SYBU: variants seen among roughly 807,000 people sequenced by gnomAD.
SYBU encodes the protein syntabulin, also known as GOLSYN A protein.
SYBU carries 21 observed loss-of-function variants against 35.9 expected under a neutral mutation model. The observed-to-expected ratio is 0.58, with a 90% confidence interval of 0.41 to 0.84. The LOEUF (loss-of-function observed/expected upper bound fraction) is 0.84, where lower values mean the gene tolerates loss of function less well. Among genes scored for constraint, SYBU ranks in the 40% least tolerant of loss-of-function variants. The pLI is 0.00. For synonymous variants in SYBU, 319 were observed against 324.3 expected (o/e 0.98, Z 0.18); for missense variants, 768 against 848.2 (o/e 0.91, Z 1.17).
rs1304039391 is a variant in SYBU at position 109,575,877 on chromosome 8, T to C, written c.1021A>G (p.Ile341Val). Reference protein sequence around the residue: ...RKEIKQLKQVIETMRSSLADK... With the variant: ...RKEIKQLKQVVETMRSSLADK... ...GCCAAGCTGCTCCGCATGGTTTCGA[T>C]GACCTGTTTGAGCTGTTTAATCTCT... The change falls in exon 7 of 7, where the codon ATC becomes GTC. Residue 341 changes from isoleucine to valine, a missense_variant. Ile to Val is a conservative substitution (Grantham distance 29). Coordinates refer to ENST00000276646, the MANE Select transcript of SYBU (RefSeq NM_001099754.2). The C allele has an allele frequency of 6.2e-7, 1 of 1,614,064 alleles. No homozygotes were observed. Among genetic ancestry groups the C allele is most frequent in the Non-Finnish European group, 8.5e-7 (1 of 1,180,008 alleles).
At chr8:109,632,014 G>A (rs1354803613) in intron 2 of SYBU, among the ~76,000 whole-genome samples, 1 of 152,076 alleles carries the variant, frequency 6.6e-6, no homozygotes, top group Non-Finnish European at 1.5e-5. Context: ...GGGAAGAAGA[G>A]AGGAGGAGAG....
chr8:109,640,075 C>A (rs1814685408), intron 2 of SYBU, among the ~76,000 whole-genome samples: 1 of 152,172 alleles, frequency 6.6e-6, no homozygotes, highest in Non-Finnish European at 1.5e-5. Flanking sequence ...TGGAGGAAAT[C>A]CTATCTGCAG....
At chr8:109,658,612 C>T (rs963717610) in intron 1 of SYBU, among the ~76,000 whole-genome samples, 2 of 152,236 alleles carry the variant, frequency 1.3e-5, no homozygotes, top group East Asian at 1.9e-4. Context: ...TCCATTAAGC[C>T]AATATGCTTG....
At chr8:109,652,975 A>C (rs1223400987) in intron 1 of SYBU, among the ~76,000 whole-genome samples, 1 of 152,196 alleles carries the variant, frequency 6.6e-6, no homozygotes, top group Non-Finnish European at 1.5e-5. Context: ...TAACACTTGT[A>C]ATAAGCCCAG....
intron 3 of SYBU, among the ~76,000 whole-genome samples, chr8:109,590,866 T>C (rs1824158802): frequency 6.6e-6 from 1 of 151,870 alleles, no homozygotes; most frequent in Admixed American, 6.6e-5. Context: ...AGCCATATAA[T>C]TTATCAACAC....
In SYBU at chr8:109,602,957, T is replaced by C. The variant is rs112895482; in HGVS notation, c.427+15885A>G. 6.1e-3 allele frequency among the ~76,000 whole-genome samples: 922 copies of C among 152,212 alleles called. 11 individuals are homozygous for C. Among genetic ancestry groups the C allele is most frequent in the African/African-American group, 0.021 (880 of 41,512 alleles). On this transcript the variant is annotated intron_variant, in intron 3 of 6. Transcript: ENST00000276646. Reference sequence around the variant, plus strand: ...CACAAGAAAATATTTCCAAGATAAGTCCTGGCAGCACAACAGAGAAATGCC... The same window carrying C: ...CACAAGAAAATATTTCCAAGATAAGCCCTGGCAGCACAACAGAGAAATGCC...
At position 109,686,229 on chromosome 8, in the gene SYBU, C is replaced by G. The variant is rs568832355; in HGVS notation, c.-58+5104G>C. Among the ~76,000 whole-genome samples, 200 of 151,982 alleles carry G rather than the reference C, an allele frequency of 1.3e-3. 2 individuals carry two copies. Among genetic ancestry groups the G allele is most frequent in the African/African-American group, 4.7e-3 (195 of 41,436 alleles). On this transcript the variant is annotated intron_variant, in intron 1 of 7. Coordinates refer to the SYBU transcript ENST00000422135. ...TCAGCACCATGGACAAAGCACCCCCCGACAGCCTTACTCTTGGGAGCGACA... is the reference window on the plus strand; with the variant it reads ...TCAGCACCATGGACAAAGCACCCCCGGACAGCCTTACTCTTGGGAGCGACA...
chr8:109,670,876 A>T (rs1318183988), intron 1 of SYBU, among the ~76,000 whole-genome samples: 1 of 151,956 alleles, frequency 6.6e-6, no homozygotes, highest in African/African-American at 2.4e-5. Flanking sequence ...GGAGGGAGGG[A>T]GGGAGAGGTA....
chr8:109,604,112 G>GT (rs1825826362), intron 3 of SYBU, among the ~76,000 whole-genome samples: 1 of 151,992 alleles, frequency 6.6e-6, no homozygotes, highest in African/African-American at 2.4e-5. Flanking sequence ...AAAAGAAAAC[G>GT]TGATCTTATT....
At chr8:109,645,916 A>G (rs1321858758), upstream of SYBU, 4 of 153,720 alleles carry the variant, frequency 2.6e-5, no homozygotes, top group Non-Finnish European at 5.8e-5. Flanking sequence ...AGGTGAGGAA[A>G]ACAAACAGCT....
At chr8:109,668,165 G>GAGAGAGAGAAAGGGGAGAGAGA (rs1554628117) in intron 1 of SYBU, among the ~76,000 whole-genome samples, 1 of 88,990 alleles carries the variant, frequency 1.1e-5, no homozygotes, top group Non-Finnish European at 2.0e-5. Flanking sequence ...GGGGAGAGGG[G>GAGAGAGAGAAAGGGGAGAGAGA]GAGAGAGAGA....
chr8:109,588,452 T>C (rs565135139), intron 3 of SYBU, among the ~76,000 whole-genome samples: 8 of 152,146 alleles, frequency 5.3e-5, no homozygotes, highest in Non-Finnish European at 8.8e-5. Context: ...CTGAAAGAGA[T>C]TAGAAGGCAC....
intron 2 of SYBU, among the ~76,000 whole-genome samples, chr8:109,635,620 T>C (rs1054075845): frequency 6.6e-6 from 1 of 152,210 alleles, no homozygotes; most frequent in Non-Finnish European, 1.5e-5. Flanking sequence ...ATATTATTCA[T>C]TCAGTGGAGA....
intron 4 of SYBU, among the ~76,000 whole-genome samples, chr8:109,585,374 C>T (rs1026484637): frequency 2.0e-5 from 3 of 152,164 alleles, no homozygotes; most frequent in African/African-American, 7.2e-5. Context: ...TTGTTTAATC[C>T]TAACAATAAA....
intron 1 of SYBU, among the ~76,000 whole-genome samples, chr8:109,661,503 G>A (rs1403583382): frequency 1.3e-5 from 2 of 152,158 alleles, no homozygotes; most frequent in Admixed American, 1.3e-4. Flanking sequence ...TTGTAGCAGA[G>A]TGCAGTTTGC....
chr8:109,628,230 G>A (rs1813187230), intron 2 of SYBU, among the ~76,000 whole-genome samples: 1 of 152,172 alleles, frequency 6.6e-6, no homozygotes, highest in African/African-American at 2.4e-5. Context: ...TTGGGGCCAG[G>A]TGTGGTAGTG....
intron 5 of SYBU, among the ~76,000 whole-genome samples, chr8:109,579,565 T>C (rs1439330824): frequency 6.6e-6 from 1 of 152,112 alleles, no homozygotes; most frequent in Non-Finnish European, 1.5e-5. Context: ...CTCTGTGGCA[T>C]TTTCTCTCCC....
exon 1 of SYBU, chr8:109,680,772 G>C (rs953846440): frequency 3.9e-5 from 6 of 152,188 alleles, no homozygotes; most frequent in African/African-American, 9.6e-5. Flanking sequence ...AACATATAAA[G>C]CTTCAGTTCT....
intron 3 of SYBU, among the ~76,000 whole-genome samples, chr8:109,612,250 A>T (rs1479946814): frequency 6.6e-6 from 1 of 152,218 alleles, no homozygotes; most frequent in East Asian, 1.9e-4. Context: ...TGCTTGGGAC[A>T]GGCAGTGCTT....
Sources: gnomAD v4.1 joint callset for allele counts (sites outside exome capture counted in the v4.1 genomes callset) on GRCh38, gnomAD v4.1.1 for gene constraint, MANE v1.5 for transcripts, NCBI Gene and HGNC (gene_info 2026-07-23, HGNC 2026-07-21) for gene names.